Variants in ANKRD30A observed in about 807,000 individuals in gnomAD.
The protein encoded by ANKRD30A is ankyrin repeat domain-containing protein 30A.
In ANKRD30A, 170 loss-of-function variants were observed where a neutral mutation model predicts 166.3. That is an observed-to-expected ratio of 1.02 (90% CI 0.90 to 1.16). ANKRD30A has a LOEUF of 1.16. Among genes scored for constraint, ANKRD30A ranks in the 50% most tolerant of loss-of-function variants. ANKRD30A has a pLI of 0.00. For synonymous variants in ANKRD30A, 564 were observed against 508.9 expected, an observed-to-expected ratio of 1.11 and a Z score of -1.46; for missense variants, 1,630 against 1,518.0, an observed-to-expected ratio of 1.07 and a Z score of -1.23.
At chr10:37,147,608 AG>A in intron 9 of ANKRD30A, 151 bp downstream of exon 9, 1 of 497,578 alleles carries the variant, frequency 2.0e-6, no homozygotes, top group East Asian at 3.5e-5. Flanking sequence ...GTATCTTTTC[AG>A]GTGTTGGCAA....
At chr10:37,179,015 TA>T (rs1296546469) in intron 24 of ANKRD30A, among the ~76,000 whole-genome samples, 6 of 1,700 alleles carry the variant, frequency 3.5e-3, no homozygotes, top group African/African-American at 0.011. Context: ...AGGCGTCAAA[TA>T]TATATATATA....
intron 30 of ANKRD30A, among the ~76,000 whole-genome samples, chr10:37,200,845 T>A (rs1841566429): frequency 6.6e-6 from 1 of 152,132 alleles, no homozygotes; most frequent in Non-Finnish European, 1.5e-5. Flanking sequence ...TTTACATGTT[T>A]AATGCAGTAT....
chr10:37,148,035 C>A (rs1345990910), intron 9 of ANKRD30A, among the ~76,000 whole-genome samples: 1 of 131,548 alleles, frequency 7.6e-6, no homozygotes, highest in African/African-American at 2.8e-5. Flanking sequence ...AGGTGTGCAT[C>A]TATAAAATTT....
At position 37,200,371 on chromosome 10, in the gene ANKRD30A, T is replaced by C. The variant is rs1841521900; in HGVS notation, c.2778+583T>C. On this transcript the variant is annotated intron_variant, in intron 30 of 35. Coordinates refer to ENST00000361713, the MANE Select transcript of ANKRD30A (RefSeq NM_052997.3). ...GTAGTCTTTTGAAAAATATAAATTA[T>C]ATTTTCACAAATGGAACTCCTTGAG... Among the ~76,000 whole-genome samples the C allele has an allele frequency of 2.0e-5, 3 of 152,016 alleles. No individual in the cohort carries two copies. The South Asian group carries it at 6.2e-4, about 31-fold the overall frequency.
chr10:37,200,148 A>T (rs1462275113), intron 30 of ANKRD30A, among the ~76,000 whole-genome samples: 1 of 152,072 alleles, frequency 6.6e-6, no homozygotes, highest in African/African-American at 2.4e-5. Context: ...GATGTACAAA[A>T]GTTCTAATTG....
chr10:37,165,196 T>G (rs769507826), intron 18 of ANKRD30A, 41 bp downstream of exon 18: 1 of 1,533,118 alleles, frequency 6.5e-7, no homozygotes, highest in African/African-American at 1.4e-5. Flanking sequence ...TAGTATTGCA[T>G]GATATGAAAA....
rs1481939766 is a variant in ANKRD30A at position 37,132,302 on chromosome 10, G to T, written c.573G>T (p.Leu191Phe). 2 of 1,605,140 alleles carry T rather than the reference G, an allele frequency of 1.2e-6. No individual in the cohort carries two copies. Among genetic ancestry groups the T allele is most frequent in the Admixed American group, 1.7e-5 (1 of 59,138 alleles). ...GAAGTGAGCAAATTGTGGAATTTTT[G>T]CTGATAAAAAATGCAAATGCGAATG... Reference protein sequence around the residue: ...TKRSEQIVEFLLIKNANANAV... With the variant: ...TKRSEQIVEFFLIKNANANAV... The change falls in exon 4 of 36, where the codon TTG becomes TTT. Residue 191 changes from leucine to phenylalanine, a missense_variant. Physicochemically the swap from Leu to Phe is conservative, Grantham distance 22. This residue lies in a region of ANKRD30A where 904 missense variants were observed against 818.5 expected (regional missense o/e 1.10). Transcript: ENST00000361713.
Position 37,157,826 on chromosome 10 carries a change from A to G in ANKRD30A, c.1799-566A>G, listed in dbSNP as rs578178270. On this transcript the variant is annotated intron_variant, in intron 13 of 35. Coordinates refer to ENST00000361713, the MANE Select transcript of ANKRD30A (RefSeq NM_052997.3). ...TATATTTATTAACTTTTATTCTATA[A>G]GTAGATATGCTGCTAAATTTAGAAC... 1.3e-4 allele frequency among the ~76,000 whole-genome samples: 20 copies of G among 152,328 alleles called. No homozygotes were observed. The South Asian group carries it at 2.1e-3, about 16-fold the overall frequency.
At chr10:37,194,411 G>T (rs58746992) in intron 27 of ANKRD30A, among the ~76,000 whole-genome samples, 3,622 of 150,264 alleles carry the variant, frequency 0.024, 155 homozygotes, top group African/African-American at 0.084. Context: ...GCGCCATCTC[G>T]GCTCATGCAA....
chr10:37,165,037 T>A, intron 17 of ANKRD30A, 57 bp from the exon 18 acceptor site: 1 of 1,534,634 alleles, frequency 6.5e-7, no homozygotes, highest in Non-Finnish European at 9.0e-7. Context: ...TATATGTTTT[T>A]AAAATTTTTA....
At chr10:37,198,835 G>A (rs1228370747) in intron 29 of ANKRD30A, among the ~76,000 whole-genome samples, 4 of 152,054 alleles carry the variant, frequency 2.6e-5, no homozygotes, top group Non-Finnish European at 5.9e-5. Context: ...TTTTAGTTGT[G>A]CATGTTTGCT....
chr10:37,154,993 C>G (rs1484705558), intron 13 of ANKRD30A, among the ~76,000 whole-genome samples: 3 of 152,042 alleles, frequency 2.0e-5, no homozygotes, highest in Non-Finnish European at 4.4e-5. Flanking sequence ...AGAACCTTGG[C>G]TTTATTTTTA....
Position 37,125,832 on chromosome 10 carries a change from G to T in ANKRD30A, c.45G>T (p.Pro15=). 2.0e-6 allele frequency: 2 copies of T among 995,124 alleles called. No individual in the cohort carries two copies. The highest frequency in any genetic ancestry group is 3.0e-6 in the Non-Finnish European group (2 of 657,608). 61.6% of individuals were successfully genotyped at this position (995,124 alleles called of 1,614,324 possible). ...SAAAVKVVPG[P]ERPSPFSQLV... ...CCGCTGTCAAGGTCGTGCCGGGCCC[G>T]GAGCGCCCGAGCCCTTTCAGCCAGC... is the stretch of plus-strand genomic sequence containing the variant. The change falls in exon 1 of 36, where the codon CCG becomes CCT. Residue 15 remains proline, a synonymous_variant. Coordinates refer to ENST00000361713, the MANE Select transcript of ANKRD30A (RefSeq NM_052997.3).
the ANKRD30A span, among the ~76,000 whole-genome samples, chr10:37,243,295 CA>C: frequency 2.2e-5 from 3 of 136,528 alleles, no homozygotes; most frequent in South Asian, 2.3e-4. Context: ...CCACCACGCC[CA>C]CCTTTTTTTT....
intron 31 of ANKRD30A, among the ~76,000 whole-genome samples, chr10:37,209,908 A>T (rs1447842036): frequency 2.0e-5 from 3 of 152,088 alleles, no homozygotes; most frequent in Admixed American, 1.3e-4. Flanking sequence ...GATCTTTTAC[A>T]TAAAAATTTC....
chr10:37,194,464 C>A (rs1840891278), intron 27 of ANKRD30A, among the ~76,000 whole-genome samples: 1 of 151,872 alleles, frequency 6.6e-6, no homozygotes. Context: ...CCTCAGCCTC[C>A]CGAGTAGCTG....
At chr10:37,171,768 G>T (rs898916374) in intron 21 of ANKRD30A, among the ~76,000 whole-genome samples, 10 of 150,698 alleles carry the variant, frequency 6.6e-5, no homozygotes, top group African/African-American at 2.4e-4. Context: ...GTTGGTTACA[G>T]ATTCATTCTG....
intron 6 of ANKRD30A, among the ~76,000 whole-genome samples, chr10:37,138,008 C>T (rs544397597): frequency 3.5e-4 from 54 of 152,216 alleles, no homozygotes; most frequent in African/African-American, 1.1e-3. Context: ...CTCACACGCC[C>T]GGGTACTCCT....
At chr10:37,238,350 T>C in the ANKRD30A span, among the ~76,000 whole-genome samples, 1 of 152,190 alleles carries the variant, frequency 6.6e-6, no homozygotes, top group Non-Finnish European at 1.5e-5. Flanking sequence ...TTGTTATTAT[T>C]ATACTTTATG....
Sources: gnomAD v4.1 joint callset for allele counts (sites outside exome capture counted in the v4.1 genomes callset) on GRCh38, gnomAD v4.1.1 for gene constraint, gnomAD v4.1.1 regional missense constraint, MANE v1.5 for transcripts, NCBI Gene and HGNC (gene_info 2026-07-23, HGNC 2026-07-21) for gene names.